Variants in EMC7 observed in about 807,000 individuals in gnomAD.
The protein encoded by EMC7 is endoplasmic reticulum membrane protein complex subunit 7.
Under a neutral mutation model 24.4 loss-of-function variants are expected in EMC7, and 4 were observed. That is an observed-to-expected ratio of 0.16 (90% CI 0.08 to 0.38). The LOEUF (loss-of-function observed/expected upper bound fraction) is 0.38. Among genes scored for constraint, EMC7 ranks in the 10% least tolerant of loss-of-function variants. EMC7 has a pLI of 1.00. For missense variants in EMC7, 221 were observed against 300.6 expected (o/e 0.74, Z 1.96); for synonymous variants, 106 against 112.0 (o/e 0.95, Z 0.34).
In EMC7 at chr15:34,101,718, A is replaced by G. The variant is rs772268121; in HGVS notation, c.122T>C (p.Ile41Thr). The change falls in exon 1 of 5, where the codon ATA becomes ACA. Residue 41 changes from isoleucine (I) to threonine (T), a missense_variant. Ile to Thr is a moderately conservative substitution (Grantham distance 89). Transcript: ENST00000256545. ...CCCCTCAATCTTGAAGCGATCTCCTATGCCGACCCCACTCCCTCCCGATCC... is the reference window on the plus strand; with the variant it reads ...CCCCTCAATCTTGAAGCGATCTCCTGTGCCGACCCCACTCCCTCCCGATCC... ...AEGSGGSGVG[I>T]GDRFKIEGRA... 3 of 1,612,334 alleles carry G rather than the reference A, an allele frequency of 1.9e-6. No individual in the cohort carries two copies. In the South Asian group the frequency reaches 3.3e-5, roughly 18 times the overall value.
chr15:34,089,863 T>C (rs1900952039), intron 3 of EMC7, among the ~76,000 whole-genome samples: 1 of 152,160 alleles, frequency 6.6e-6, no homozygotes, highest in South Asian at 2.1e-4. Context: ...GGCTGAGGCA[T>C]GAGAATCGCT....
chr15:34,101,137 G>A (rs991673524), intron 1 of EMC7: 1 of 153,438 alleles, frequency 6.5e-6, no homozygotes, highest in African/African-American at 2.4e-5. Context: ...CCCAGTCTAT[G>A]TCGTCACTAG....
At chr15:34,089,118 A>C (rs867598811) in intron 3 of EMC7, among the ~76,000 whole-genome samples, 1 of 152,190 alleles carries the variant, frequency 6.6e-6, no homozygotes, top group African/African-American at 2.4e-5. Flanking sequence ...AGCCTCCCAA[A>C]GTGCTGGGAT....
At chr15:34,088,949 C>A (rs1900934728) in intron 3 of EMC7, among the ~76,000 whole-genome samples, 1 of 152,148 alleles carries the variant, frequency 6.6e-6, no homozygotes, top group South Asian at 2.1e-4. Context: ...TCCACCCCCT[C>A]TGGTTCAAGC....
chr15:34,088,186 G>T, intron 3 of EMC7, 53 bp from the exon 4 acceptor site: 2 of 1,450,974 alleles, frequency 1.4e-6, no homozygotes, highest in South Asian at 1.2e-5. Flanking sequence ...ACAGTTAATA[G>T]AACAAAAACT....
Position 34,084,334 on chromosome 15 carries a change from C to T in EMC7, c.729G>A (p.Ter243=). Residue 243 remains the stop codon, a stop_retained_variant, in exon 5 of 5, where the codon TAG becomes TAA. Transcript: ENST00000256545. ...CAAATGCCAGCTCTGGACGGCCTGACTACCTCCTTTTGCCAGCCCCACTTT... is the reference window on the plus strand; with the variant it reads ...CAAATGCCAGCTCTGGACGGCCTGATTACCTCCTTTTGCCAGCCCCACTTT... ...TGKSGAGKRR[*] 1 of 1,612,982 alleles carries T rather than the reference C, an allele frequency of 6.2e-7. No individual in the cohort carries two copies. Among genetic ancestry groups the T allele is most frequent in the Non-Finnish European group, 8.5e-7 (1 of 1,179,170 alleles).
chr15:34,092,841 C>T (rs1366447133), intron 2 of EMC7, among the ~76,000 whole-genome samples: 1 of 152,104 alleles, frequency 6.6e-6, no homozygotes, highest in Non-Finnish European at 1.5e-5. Context: ...AGTTGCTCCT[C>T]AATTTACATT....
At position 34,098,930 on chromosome 15, in the gene EMC7, C is replaced by T. The variant is rs1251397455; in HGVS notation, c.236+2674G>A. Among the ~76,000 whole-genome samples the T allele has an allele frequency of 3.3e-5, 5 of 151,848 alleles. No individual in the cohort carries two copies. In the East Asian group the frequency reaches 7.7e-4, roughly 23 times the overall value. On this transcript the variant is annotated intron_variant, in intron 1 of 4. Coordinates refer to ENST00000256545, the MANE Select transcript of EMC7 (RefSeq NM_020154.3). The stretch of plus-strand genomic sequence containing the variant: ...GAAAAATAACATAAAGTTTGCAATA[C>T]AAAATTTAAAATTCATCCTTAAAAA...
At chr15:34,093,823 A>ATATATATATATATATATATAT (rs1190830993) in intron 2 of EMC7, among the ~76,000 whole-genome samples, 1 of 48,714 alleles carries the variant, frequency 2.1e-5, no homozygotes, top group Non-Finnish European at 3.3e-5. Context: ...ATATATATAT[A>ATATATATATATATATATATAT]TTTTTTTTTT....
intron 1 of EMC7, among the ~76,000 whole-genome samples, chr15:34,098,323 C>G (rs1019977661): frequency 1.3e-5 from 2 of 152,154 alleles, no homozygotes; most frequent in Admixed American, 1.3e-4. Context: ...CTCCAGGGTA[C>G]TGCACAATCT....
At chr15:34,092,248 G>A (rs1214863524) in intron 2 of EMC7, among the ~76,000 whole-genome samples, 4 of 70,716 alleles carry the variant, frequency 5.7e-5, no homozygotes, top group Non-Finnish European at 1.3e-4. Context: ...CTGGGTGACA[G>A]AGTGAGACTC....
intron 4 of EMC7, chr15:34,086,434 CT>C (rs11341448): frequency 0.33 from 50,424 of 150,600 alleles, 8,702 homozygotes; most frequent in African/African-American, 0.45. Flanking sequence ...AAGGAATGAA[CT>C]TTTTTTTTTT....
rs1900917314 is a variant in EMC7 at position 34,088,072 on chromosome 15, C to T, written c.557G>A (p.Ser186Asn). The change falls in exon 4 of 5, where the codon AGT (serine) becomes AAT (asparagine). Residue 186 changes from serine to asparagine, a missense_variant. Physicochemically the swap from Ser to Asn is conservative, Grantham distance 46. Transcript: ENST00000256545. ...FVLLPKVVNT[S>N]DPDMRREMEQ... ...TCTTACCCGTCTCATGTCAGGATCA[C>T]TTGTGTTGACCACTTTAGGCAGAAG... is the stretch of plus-strand genomic sequence containing the variant. The T allele has an allele frequency of 6.2e-7, 1 of 1,612,326 alleles. No individual in the cohort carries two copies. Among genetic ancestry groups the T allele is most frequent in the Non-Finnish European group, 8.5e-7 (1 of 1,179,376 alleles).
Position 34,095,946 on chromosome 15 carries a change from G to T in EMC7, c.305C>A (p.Ala102Asp), listed in dbSNP as rs142313992. 6.2e-7 allele frequency: 1 copy of T among 1,610,614 alleles called. No homozygotes were observed. The highest frequency in any genetic ancestry group is 8.5e-7 in the Non-Finnish European group (1 of 1,177,522). The change falls in exon 2 of 5, where the codon GCT becomes GAT. Residue 102 changes from alanine to aspartate, a missense_variant. Ala to Asp is a moderately radical substitution (Grantham distance 126). Around this residue, in one of 2 missense-constraint regions of EMC7, gnomAD observed 156 missense variants for 177.1 expected, o/e 0.88. Transcript: ENST00000256545. Reference sequence around the variant, plus strand: ...CACTCGAACGGGATCAAATCTGTAAGCTGGAGATACAACTTCCACTACATA... The same window carrying T: ...CACTCGAACGGGATCAAATCTGTAATCTGGAGATACAACTTCCACTACATA... ...GSYVVEVVSP[A>D]YRFDPVRVDI... is the part of the protein sequence containing the mutation.
intron 1 of EMC7, among the ~76,000 whole-genome samples, chr15:34,097,070 G>C (rs1189616277): frequency 7.8e-6 from 1 of 128,592 alleles, no homozygotes; most frequent in Non-Finnish European, 1.6e-5. Context: ...GTCTCACTCT[G>C]TTGCCCAGGC....
chr15:34,097,900 C>A (rs927580179), intron 1 of EMC7, among the ~76,000 whole-genome samples: 1 of 147,894 alleles, frequency 6.8e-6, no homozygotes, highest in Admixed American at 6.9e-5. Flanking sequence ...ACCTGGGAGG[C>A]GGAAGTTGCA....
intron 2 of EMC7, among the ~76,000 whole-genome samples, chr15:34,095,332 T>C (rs1389295383): frequency 2.0e-5 from 3 of 152,224 alleles, no homozygotes; most frequent in Non-Finnish European, 2.9e-5. Flanking sequence ...ATAGATACTA[T>C]ACAAATGTTT....
intron 2 of EMC7, among the ~76,000 whole-genome samples, chr15:34,095,020 T>TA (rs1901043282): frequency 6.6e-6 from 1 of 152,246 alleles, no homozygotes; most frequent in Non-Finnish European, 1.5e-5. Context: ...ACTGAACATG[T>TA]GTCAGCTCAA....
At chr15:34,093,806 C>CACACACACACACACACACACACAT (rs61440619) in intron 2 of EMC7, among the ~76,000 whole-genome samples, 1 of 30,248 alleles carries the variant, frequency 3.3e-5, no homozygotes, top group African/African-American at 8.7e-5. Flanking sequence ...CACACACACA[C>CACACACACACACACACACACACAT]ATATATATAT....
Sources: allele counts gnomAD v4.1 joint callset (sites outside exome capture counted in the v4.1 genomes callset), GRCh38; gene constraint gnomAD v4.1.1; regional missense constraint gnomAD v4.1.1; transcripts MANE v1.5; gene names NCBI Gene and HGNC (gene_info 2026-07-23, HGNC 2026-07-21).